Variants in GPR42 observed in about 807,000 individuals in gnomAD.
GPR42 encodes G protein-coupled receptor 42.
For synonymous variants in GPR42, 28 were observed against 140.4 expected (o/e 0.20, Z 5.66); for missense variants, 68 against 311.2 (o/e 0.22, Z 5.88).
In GPR42 at chr19:35,371,611, C is replaced by T. The variant is rs1197387587; in HGVS notation, c.252C>T (p.Pro84=). Residue 84 remains proline (P), a synonymous_variant, in exon 2 of 2, where the codon CCC becomes CCT. Coordinates refer to ENST00000454971, the MANE Select transcript of GPR42 (RefSeq NM_001348195.2). The stretch of plus-strand genomic sequence containing the variant: ...CCAATGGCATGCACTGGCCCCTGCC[C>T]TTCATCCTCTGCCCACTCTCTGGAT... ...EAANGMHWPL[P]FILCPLSGFI... is the part of the protein sequence containing the mutation. 1 of 755,980 alleles carries T rather than the reference C, an allele frequency of 1.3e-6. No individual in the cohort carries two copies. The allele number at this position is 755,980 out of a possible 1,614,324, so 46.8% of individuals were successfully genotyped here. A position where few individuals can be genotyped will look rare whatever the true frequency, so the allele number is the denominator to read the frequency against.
chr19:35,372,415 G>A lies in GPR42; in HGVS notation c.*15G>A. The A allele has an allele frequency of 6.9e-7, 1 of 1,459,046 alleles. No individual in the cohort carries two copies. 90.4% of individuals were successfully genotyped at this position (1,459,046 alleles called of 1,614,324 possible). A position where few individuals can be genotyped will look rare whatever the true frequency, so the allele number is the denominator to read the frequency against. ...CTGAAAACTAGGTCCTCCGGGGGAGGAGGGTGTAGCTGGCGTGTCATCCTC... is the reference window on the plus strand; with the variant it reads ...CTGAAAACTAGGTCCTCCGGGGGAGAAGGGTGTAGCTGGCGTGTCATCCTC... On this transcript the variant is annotated 3_prime_UTR_variant, in exon 2 of 2. Transcript: ENST00000454971.
rs202138156 is a variant in GPR42 at position 35,371,719 on chromosome 19, A to C, written c.360A>C (p.Pro120=). Residue 120 remains proline (P), a synonymous_variant, in exon 2 of 2, where the codon CCA becomes CCC. Coordinates refer to ENST00000454971, the MANE Select transcript of GPR42 (RefSeq NM_001348195.2). The part of the protein sequence containing the change: ...SIERFLSVAH[P]LWYKTRPRLG... ...AACGCTTCCTGAGTGTGGCCCACCC[A>C]CTGTGGTACAAGACCCGGCCGAGGC... 3,176 of 638,008 alleles carry C rather than the reference A, an allele frequency of 5.0e-3. 243 individuals carry two copies. Among genetic ancestry groups the C allele is most frequent in the South Asian group, 6.3e-3 (356 of 56,836 alleles). 39.5% of individuals were successfully genotyped at this position (638,008 alleles called of 1,614,324 possible). A position where few individuals can be genotyped will look rare whatever the true frequency, so the allele number is the denominator to read the frequency against.
chr19:35,372,441 A>C lies in GPR42; in HGVS notation c.*41A>C, dbSNP rs1599710199. 1 of 1,404,644 alleles carries C rather than the reference A, an allele frequency of 7.1e-7. No individual in the cohort carries two copies. Among genetic ancestry groups the C allele is most frequent in the Non-Finnish European group, 9.9e-7 (1 of 1,015,078 alleles). 87.0% of individuals were successfully genotyped at this position (1,404,644 alleles called of 1,614,324 possible). ...AGGGTGTAGCTGGCGTGTCATCCTC[A>C]GGGCGCTTCCTCGCTCACGCCAGGA... On this transcript the variant is annotated 3_prime_UTR_variant, in exon 2 of 2. Coordinates refer to ENST00000454971, the MANE Select transcript of GPR42 (RefSeq NM_001348195.2).
chr19:35,372,499 G>A lies in GPR42; in HGVS notation c.*99G>A. 1 of 607,258 alleles carries A rather than the reference G, an allele frequency of 1.6e-6. No homozygotes were observed. The highest frequency in any genetic ancestry group is 3.0e-6 in the Non-Finnish European group (1 of 332,978). The allele number at this position is 607,258 out of a possible 1,614,324, so 37.6% of individuals were successfully genotyped here. A position where few individuals can be genotyped will look rare whatever the true frequency, so the allele number is the denominator to read the frequency against. On this transcript the variant is annotated 3_prime_UTR_variant, in exon 2 of 2. Coordinates refer to ENST00000454971, the MANE Select transcript of GPR42 (RefSeq NM_001348195.2). The stretch of plus-strand genomic sequence containing the variant: ...GGAGTGGCGAGCTGGGGCCCGATGG[G>A]GCTTGGGGGCAGAGTAGACATCTAG...
At chr19:35,371,286 A>G (rs1311103547) in intron 1 of GPR42, 63 bp from the exon 2 acceptor site, 1 of 469,458 alleles carries the variant, frequency 2.1e-6, no homozygotes, top group East Asian at 5.5e-5. Context: ...TTTAGGGGAG[A>G]TGCTGCTGGC....
At position 35,372,090 on chromosome 19, in the gene GPR42, C is replaced by A; in HGVS notation, c.731C>A (p.Ser244Tyr). ...FLVCFGPYNV[S>Y]HVVGYICGES... is the part of the protein sequence containing the mutation. The stretch of plus-strand genomic sequence containing the variant: ...GTCTGCTTTGGGCCCTACAACGTGT[C>A]CCATGTCGTGGGCTATATCTGCGGT... Residue 244 changes from serine (S) to tyrosine (Y), a missense_variant, in exon 2 of 2, where the codon TCC (serine) becomes TAC (tyrosine). By Grantham distance (144) the Ser-to-Tyr change is moderately radical. Coordinates refer to ENST00000454971, the MANE Select transcript of GPR42 (RefSeq NM_001348195.2). 2.2e-6 allele frequency: 2 copies of A among 899,060 alleles called. No homozygotes were observed. The highest frequency in any genetic ancestry group is 1.4e-5 in the South Asian group (1 of 69,392). The allele number at this position is 899,060 out of a possible 1,614,324, so 55.7% of individuals were successfully genotyped here. A position where few individuals can be genotyped will look rare whatever the true frequency, so the allele number is the denominator to read the frequency against.
chr19:35,371,812 C>T lies in GPR42; in HGVS notation c.453C>T (p.Tyr151=), dbSNP rs1168713969. The change falls in exon 2 of 2, where the codon TAC becomes TAT. Residue 151 remains tyrosine (Y), a synonymous_variant. Transcript: ENST00000454971. ...CCTCTGCTCACTGCAGCGTGGTCTA[C>T]GTCATAGAATTCTCAGGGGACATCT... ...LLASAHCSVV[Y]VIEFSGDISH... is the part of the protein sequence containing the mutation. 1.9e-5 allele frequency: 15 copies of T among 794,306 alleles called. 4 individuals carry two copies. Among genetic ancestry groups the T allele is most frequent in the South Asian group, 6.5e-5 (4 of 61,566 alleles). The allele number at this position is 794,306 out of a possible 1,614,324, so 49.2% of individuals were successfully genotyped here.
Position 35,372,422 on chromosome 19 carries a change from T to C in GPR42, c.*22T>C. On this transcript the variant is annotated 3_prime_UTR_variant, in exon 2 of 2. Transcript: ENST00000454971. Reference sequence around the variant, plus strand: ...CTAGGTCCTCCGGGGGAGGAGGGTGTAGCTGGCGTGTCATCCTCAGGGCGC... The same window carrying C: ...CTAGGTCCTCCGGGGGAGGAGGGTGCAGCTGGCGTGTCATCCTCAGGGCGC... The C allele has an allele frequency of 6.9e-7, 1 of 1,446,830 alleles. No homozygotes were observed. Among genetic ancestry groups the C allele is most frequent in the Non-Finnish European group, 9.5e-7 (1 of 1,051,780 alleles). 89.6% of individuals were successfully genotyped at this position (1,446,830 alleles called of 1,614,324 possible).
chr19:35,371,416 G>A lies in GPR42; in HGVS notation c.57G>A (p.Ser19=), dbSNP rs2067021808. The A allele has an allele frequency of 4.9e-6, 4 of 808,774 alleles. 1 individual carries two copies. Among genetic ancestry groups the A allele is most frequent in the Middle Eastern group, 2.7e-4 (1 of 3,700 alleles). The allele number at this position is 808,774 out of a possible 1,614,324, so 50.1% of individuals were successfully genotyped here. A position where few individuals can be genotyped will look rare whatever the true frequency, so the allele number is the denominator to read the frequency against. ...CCGGCAATCACTGGTTCGTCTTCTC[G>A]GTGTACCTTCTCACTTTCCTGGTGG... The part of the protein sequence containing the change: ...YFSGNHWFVF[S]VYLLTFLVGL... The change falls in exon 2 of 2, where the codon TCG becomes TCA. Residue 19 remains serine (S), a synonymous_variant. Transcript: ENST00000454971.
Position 35,372,522 on chromosome 19 carries a change from T to C in GPR42, c.*122T>C. 2 of 583,290 alleles carry C rather than the reference T, an allele frequency of 3.4e-6. No individual in the cohort carries two copies. The highest frequency in any genetic ancestry group is 3.1e-5 in the Admixed American group (1 of 32,290). 36.1% of individuals were successfully genotyped at this position (583,290 alleles called of 1,614,324 possible). ...GGGGCTTGGGGGCAGAGTAGACATC[T>C]AGCCTCCCTAAGGGTATGCGCGCTA... On this transcript the variant is annotated 3_prime_UTR_variant, in exon 2 of 2. Transcript: ENST00000454971.
In GPR42 at chr19:35,371,489, C is replaced by G. The variant is rs746199193; in HGVS notation, c.130C>G (p.Arg44Gly). The G allele has an allele frequency of 1.1e-6, 1 of 882,632 alleles. No individual in the cohort carries two copies. Among genetic ancestry groups the G allele is most frequent in the South Asian group, 1.6e-5 (1 of 61,340 alleles). 54.7% of individuals were successfully genotyped at this position (882,632 alleles called of 1,614,324 possible). ...LALVVFVGKL[R>G]CRPVAVDVLL... ...CCTGGTGGTCTTCGTGGGCAAGCTG[C>G]GGTGCCGCCCGGTGGCCGTGGACGT... The change falls in exon 2 of 2, where the codon CGG (arginine) becomes GGG (glycine). Residue 44 changes from arginine (R) to glycine (G), a missense_variant. By Grantham distance (125) the Arg-to-Gly change is moderately radical. Transcript: ENST00000454971.
Position 35,372,445 on chromosome 19 carries a change from C to T in GPR42, c.*45C>T, listed in dbSNP as rs776035876. On this transcript the variant is annotated 3_prime_UTR_variant, in exon 2 of 2. Transcript: ENST00000454971. ...TGTAGCTGGCGTGTCATCCTCAGGG[C>T]GCTTCCTCGCTCACGCCAGGAGGGA... 9.4e-6 allele frequency: 13 copies of T among 1,387,144 alleles called. No individual in the cohort carries two copies. Among genetic ancestry groups the T allele is most frequent in the African/African-American group, 1.4e-5 (1 of 71,900 alleles). The allele number at this position is 1,387,144 out of a possible 1,614,324, so 85.9% of individuals were successfully genotyped here.
At chr19:35,371,258 G>A (rs1321707978) in intron 1 of GPR42, 91 bp from the exon 2 acceptor site, 12 of 419,284 alleles carry the variant, frequency 2.9e-5, no homozygotes, top group Non-Finnish European at 3.6e-5. Flanking sequence ...AGGGGTGGGC[G>A]TAGTGACCTC....
At position 35,371,520 on chromosome 19, in the gene GPR42, T is replaced by A. The variant is rs148192447; in HGVS notation, c.161T>A (p.Leu54Gln). The A allele has an allele frequency of 2.3e-6, 2 of 888,534 alleles. 1 individual carries two copies. Among genetic ancestry groups the A allele is most frequent in the Non-Finnish European group, 3.2e-6 (2 of 631,714 alleles). 55.0% of individuals were successfully genotyped at this position (888,534 alleles called of 1,614,324 possible). A position where few individuals can be genotyped will look rare whatever the true frequency, so the allele number is the denominator to read the frequency against. The change falls in exon 2 of 2, where the codon CTG (leucine) becomes CAG (glutamine). Residue 54 changes from leucine (L) to glutamine (Q), a missense_variant. By Grantham distance (113) the Leu-to-Gln change is moderately radical. Coordinates refer to ENST00000454971, the MANE Select transcript of GPR42 (RefSeq NM_001348195.2). The stretch of plus-strand genomic sequence containing the variant: ...CGCCCGGTGGCCGTGGACGTGCTCC[T>A]GCTCAACCTGACCGCCTCGGACCTG... ...RCRPVAVDVL[L>Q]LNLTASDLLL...
In GPR42 at chr19:35,372,490, G is replaced by A; in HGVS notation, c.*90G>A. The A allele has an allele frequency of 1.6e-6, 1 of 617,828 alleles. No individual in the cohort carries two copies. The highest frequency in any genetic ancestry group is 2.9e-5 in the East Asian group (1 of 34,652). 38.3% of individuals were successfully genotyped at this position (617,828 alleles called of 1,614,324 possible). ...GAGGGACTTGGAGTGGCGAGCTGGG[G>A]CCCGATGGGGCTTGGGGGCAGAGTA... On this transcript the variant is annotated 3_prime_UTR_variant, in exon 2 of 2. Coordinates refer to ENST00000454971, the MANE Select transcript of GPR42 (RefSeq NM_001348195.2).
Position 35,372,411 on chromosome 19 carries a change from G to T in GPR42, c.*11G>T, listed in dbSNP as rs778737644. ...TGTGCTGAAAACTAGGTCCTCCGGG[G>T]GAGGAGGGTGTAGCTGGCGTGTCAT... On this transcript the variant is annotated 3_prime_UTR_variant, in exon 2 of 2. Transcript: ENST00000454971. The T allele has an allele frequency of 3.4e-6, 5 of 1,458,844 alleles. No individual in the cohort carries two copies. In the African/African-American group the frequency reaches 6.9e-5, roughly 20 times the overall value. The allele number at this position is 1,458,844 out of a possible 1,614,324, so 90.4% of individuals were successfully genotyped here.
chr19:35,371,133 G>A lies in GPR42; in HGVS notation c.-12+15G>A, dbSNP rs1376257327. 8 of 715,546 alleles carry A rather than the reference G, an allele frequency of 1.1e-5. No homozygotes were observed. Among genetic ancestry groups the A allele is most frequent in the Admixed American group, 5.4e-5 (1 of 18,586 alleles). The allele number at this position is 715,546 out of a possible 1,614,324, so 44.3% of individuals were successfully genotyped here. A position where few individuals can be genotyped will look rare whatever the true frequency, so the allele number is the denominator to read the frequency against. Reference sequence around the variant, plus strand: ...CAAAGAAGCAGGTGAGCCTGGGCCCGAGGGGCTGGGTGGAGGAGCACCTTG... The same window carrying A: ...CAAAGAAGCAGGTGAGCCTGGGCCCAAGGGGCTGGGTGGAGGAGCACCTTG... On this transcript the variant is annotated intron_variant, in intron 1 of 1. Transcript: ENST00000454971.
At position 35,371,548 on chromosome 19, in the gene GPR42, C is replaced by T. The variant is rs2067022395; in HGVS notation, c.189C>T (p.Leu63=). 2.3e-6 allele frequency: 2 copies of T among 886,058 alleles called. 1 individual carries two copies. The highest frequency in any genetic ancestry group is 6.9e-5 in the Admixed American group (2 of 28,800). The allele number at this position is 886,058 out of a possible 1,614,324, so 54.9% of individuals were successfully genotyped here. ...LLLNLTASDL[L]LLLFLPFRMV... The stretch of plus-strand genomic sequence containing the variant: ...TCAACCTGACCGCCTCGGACCTGCT[C>T]CTGCTGCTGTTCCTGCCTTTCCGCA... Residue 63 remains leucine (L), a synonymous_variant, in exon 2 of 2, where the codon CTC becomes CTT. Coordinates refer to ENST00000454971, the MANE Select transcript of GPR42 (RefSeq NM_001348195.2).
chr19:35,372,171 T>G lies in GPR42; in HGVS notation c.812T>G (p.Val271Gly), dbSNP rs574963208. The G allele has an allele frequency of 9.7e-7, 1 of 1,035,670 alleles. No homozygotes were observed. The highest frequency in any genetic ancestry group is 1.4e-6 in the Non-Finnish European group (1 of 724,122). The allele number at this position is 1,035,670 out of a possible 1,614,324, so 64.2% of individuals were successfully genotyped here. A position where few individuals can be genotyped will look rare whatever the true frequency, so the allele number is the denominator to read the frequency against. Residue 271 changes from valine to glycine, a missense_variant, in exon 2 of 2, where the codon GTC (valine) becomes GGC (glycine). Transcript: ENST00000454971. ...CTTCTCAGCACCCTGAACTCCTGTG[T>G]CGACCCCTTTGTCTACTACTTCTCC... ...VTLLSTLNSC[V>G]DPFVYYFSSS...
Sources: gnomAD v4.1 joint callset for allele counts on GRCh38, gnomAD v4.1.1 for gene constraint, MANE v1.5 for transcripts, NCBI Gene and HGNC (gene_info 2026-07-23, HGNC 2026-07-21) for gene names.